Variants in CCDC7 observed in about 807,000 individuals in gnomAD.
CCDC7 encodes the protein coiled-coil domain-containing protein 7.
Under a neutral mutation model 196.9 loss-of-function variants are expected in CCDC7, and 183 were observed. The ratio of observed to expected loss-of-function variants is 0.93; its 90% CI spans 0.82 to 1.05. CCDC7 has a LOEUF of 1.05. CCDC7 is among the 50% of genes least tolerant of loss of function. The pLI, the probability that CCDC7 is intolerant of heterozygous loss-of-function variation, is 0.00. For synonymous variants in CCDC7, 525 were observed against 484.6 expected (o/e 1.08, Z -1.10); for missense variants, 1,540 against 1,482.2 (o/e 1.04, Z -0.64).
At chr10:32,723,075 G>A (rs981162099) in intron 25 of CCDC7, among the ~76,000 whole-genome samples, 3 of 152,012 alleles carry the variant, frequency 2.0e-5, no homozygotes, top group Non-Finnish European at 2.9e-5. Context: ...CCATTACTTC[G>A]TAGACCCTAG....
chr10:32,668,867 C>G (rs2073424131), intron 21 of CCDC7, among the ~76,000 whole-genome samples: 1 of 152,068 alleles, frequency 6.6e-6, no homozygotes, highest in African/African-American at 2.4e-5. Flanking sequence ...CTTCCCCCAT[C>G]CAATTTGAAT....
At chr10:32,783,184 A>G (rs879865587) in intron 29 of CCDC7, among the ~76,000 whole-genome samples, 1 of 152,182 alleles carries the variant, frequency 6.6e-6, no homozygotes, top group Non-Finnish European at 1.5e-5. Context: ...AAAATTAAAA[A>G]CTTTTGTCAT....
intron 33 of CCDC7, among the ~76,000 whole-genome samples, chr10:32,837,439 G>A (rs1355554449): frequency 6.6e-6 from 1 of 152,148 alleles, no homozygotes; most frequent in African/African-American, 2.4e-5. Context: ...GTACTGGAGA[G>A]GATGTGGAGA....
upstream of CCDC7, chr10:32,446,657 C>T (rs1269647318): frequency 3.9e-5 from 6 of 152,112 alleles, no homozygotes; most frequent in African/African-American, 1.2e-4. Flanking sequence ...AAGGATGAAA[C>T]CAGAAAACAT....
chr10:32,723,638 C>T (rs1253714816), intron 25 of CCDC7, among the ~76,000 whole-genome samples: 5 of 152,038 alleles, frequency 3.3e-5, no homozygotes, highest in African/African-American at 1.2e-4. Context: ...TCCTCCTCCT[C>T]TTTAGGCAAA....
chr10:32,541,440 C>A (rs977822352), intron 11 of CCDC7, among the ~76,000 whole-genome samples: 1 of 152,148 alleles, frequency 6.6e-6, no homozygotes. Context: ...CAGGTGGCTA[C>A]ACCCTCCAGC....
At chr10:32,533,536 A>AT (rs1220228072) in intron 11 of CCDC7, among the ~76,000 whole-genome samples, 2 of 151,294 alleles carry the variant, frequency 1.3e-5, no homozygotes, top group Non-Finnish European at 1.5e-5. Context: ...TTGGTGTTTT[A>AT]TTTTTTTTCA....
intron 3 of CCDC7, among the ~76,000 whole-genome samples, chr10:32,457,845 T>G (rs1455715454): frequency 6.6e-6 from 1 of 152,130 alleles, no homozygotes; most frequent in Admixed American, 6.5e-5. Context: ...TTGAGAAATA[T>G]TCAAGCCATT....
At chr10:32,461,175 A>G (rs2035540946) in intron 3 of CCDC7, among the ~76,000 whole-genome samples, 1 of 152,140 alleles carries the variant, frequency 6.6e-6, no homozygotes, top group Non-Finnish European at 1.5e-5. Flanking sequence ...TCCTCAACTT[A>G]TGAGGGAGTT....
intron 13 of CCDC7, among the ~76,000 whole-genome samples, chr10:32,553,769 G>C (rs959084752): frequency 6.6e-6 from 1 of 152,094 alleles, no homozygotes; most frequent in Admixed American, 6.6e-5. Context: ...TGATATGGTG[G>C]TTTAATGCTC....
At chr10:32,680,579 C>T (rs577984173) in intron 21 of CCDC7, among the ~76,000 whole-genome samples, 32 of 152,144 alleles carry the variant, frequency 2.1e-4, no homozygotes, top group Non-Finnish European at 3.8e-4. Flanking sequence ...GTCCCTCCCC[C>T]GACAGGCCCC....
intron 25 of CCDC7, among the ~76,000 whole-genome samples, chr10:32,716,611 TAA>T (rs2081619089): frequency 6.6e-6 from 1 of 152,120 alleles, no homozygotes. Flanking sequence ...GCAAATTGGA[TAA>T]AGAGTGAATA....
At chr10:32,797,568 A>G (rs2083863339) in intron 29 of CCDC7, among the ~76,000 whole-genome samples, 1 of 149,528 alleles carries the variant, frequency 6.7e-6, no homozygotes, top group Non-Finnish European at 1.5e-5. Context: ...TGCAGTGTAT[A>G]CTGCTCGTCT....
At chr10:32,583,208 A>C in exon 17 of CCDC7, 1 of 1,231,490 alleles carries the variant, frequency 8.1e-7, no homozygotes, top group Non-Finnish European at 1.0e-6. Flanking sequence ...CATCCAGCAA[A>C]GAAGTTCAAG....
intron 23 of CCDC7, among the ~76,000 whole-genome samples, chr10:32,694,293 C>T (rs1295126567): frequency 6.6e-6 from 1 of 151,936 alleles, no homozygotes; most frequent in Non-Finnish European, 1.5e-5. Flanking sequence ...TTAGTGTTTA[C>T]TATTAGAAGT....
rs539584169 is a variant in CCDC7 at position 32,727,084 on chromosome 10, C to T, written c.2668+252C>T. The stretch of plus-strand genomic sequence containing the variant: ...CTACCAAGGCCCAATAATTCGCCTA[C>T]AGTATCTTGAAGAGTGTACCTTTCA... On this transcript the variant is annotated intron_variant, in intron 26 of 41. Coordinates refer to ENST00000639629, the Ensembl canonical transcript of CCDC7. Among the ~76,000 whole-genome samples, 11 of 152,264 alleles carry T rather than the reference C, an allele frequency of 7.2e-5. No homozygotes were observed. The East Asian group carries it at 1.9e-3, about 27-fold the overall frequency.
At chr10:32,756,909 T>C (rs1224997668) in intron 28 of CCDC7, among the ~76,000 whole-genome samples, 1 of 152,158 alleles carries the variant, frequency 6.6e-6, no homozygotes, top group Non-Finnish European at 1.5e-5. Context: ...GAGGAAGATC[T>C]GCCAAGCAAA....
intron 41 of CCDC7, among the ~76,000 whole-genome samples, chr10:32,861,087 G>T (rs2093962244): frequency 8.6e-6 from 1 of 115,612 alleles, no homozygotes; most frequent in Admixed American, 1.0e-4. Flanking sequence ...AACCAAAAAA[G>T]AGCCTGCATA....
In CCDC7 at chr10:32,716,153, G is replaced by GA. The variant is rs886113852; in HGVS notation, c.2569+4426dup. 3.3e-5 allele frequency among the ~76,000 whole-genome samples: 5 copies of GA among 152,306 alleles called. No homozygotes were observed. In the East Asian group the frequency reaches 7.7e-4, roughly 24 times the overall value. ...AAAAAATGTTAAGGGCAGCCAGAGA[G>GA]AAAGGTCAGGTTACCCACAAAGGGA... is the stretch of plus-strand genomic sequence containing the variant. On this transcript the variant is annotated intron_variant, in intron 25 of 41. Coordinates refer to ENST00000639629, the Ensembl canonical transcript of CCDC7.
Sources: allele counts gnomAD v4.1 joint callset (sites outside exome capture counted in the v4.1 genomes callset), GRCh38; gene constraint gnomAD v4.1.1; transcripts MANE v1.5; gene names NCBI Gene and HGNC (gene_info 2026-07-23, HGNC 2026-07-21).